PCDH11X: variants seen among roughly 807,000 people sequenced by gnomAD.
PCDH11X encodes the protein protocadherin 11 X-linked.
Under a neutral mutation model 53.3 loss-of-function variants are expected in PCDH11X, and 18 were observed. The ratio of observed to expected loss-of-function variants is 0.34; its 90% CI spans 0.23 to 0.50. PCDH11X has a LOEUF of 0.50. Ranked by LOEUF, PCDH11X falls within the 20% of genes least tolerant of loss-of-function variation. The probability of loss-of-function intolerance (pLI) is 0.98; values close to 1 mark genes in which losing one functional copy is unlikely to be tolerated. For missense variants in PCDH11X, 570 were observed against 1,032.4 expected (o/e 0.55, Z 6.14); for synonymous variants, 279 against 393.3 (o/e 0.71, Z 3.44).
At chrX:92,007,323 G>C (rs1320285089) in intron 6 of PCDH11X, among the ~76,000 whole-genome samples, 2 of 111,625 alleles carry the variant, frequency 1.8e-5, no homozygotes, top group African/African-American at 6.5e-5. Flanking sequence ...CAAACCACAA[G>C]ACACAGTTCT....
At chrX:92,618,226 A>C (rs1928202584) in intron 10 of PCDH11X, 38 bp from the exon 11 acceptor site, 2 of 1,165,807 alleles carry the variant, frequency 1.7e-6, no homozygotes. Flanking sequence ...TATGCCTTTG[A>C]AATATAAATT....
intron 6 of PCDH11X, among the ~76,000 whole-genome samples, chrX:92,199,130 C>T (rs2066346901): frequency 8.9e-6 from 1 of 111,849 alleles, no homozygotes; most frequent in Admixed American, 9.5e-5. Flanking sequence ...GTCAACTTCC[C>T]TTCCAATGTC....
chrX:92,282,691 C>G (rs1440489659), intron 8 of PCDH11X, among the ~76,000 whole-genome samples: 1 of 111,460 alleles, frequency 9.0e-6, no homozygotes, highest in African/African-American at 3.3e-5. Flanking sequence ...ATTTTGCTAT[C>G]AAATCAACAC....
intron 7 of PCDH11X, among the ~76,000 whole-genome samples, chrX:92,237,468 G>A (rs765164496): frequency 1.8e-5 from 2 of 110,968 alleles, no homozygotes; most frequent in South Asian, 7.5e-4. Context: ...ATACAGAAGT[G>A]TATTTGGAGA....
chrX:92,298,067 G>A (rs2068644821), intron 8 of PCDH11X, among the ~76,000 whole-genome samples: 1 of 111,474 alleles, frequency 9.0e-6, no homozygotes, highest in Non-Finnish European at 1.9e-5. Flanking sequence ...GAGTTTTCTA[G>A]GTATAGAATC....
At chrX:91,925,348 C>T (rs1321726615) in intron 6 of PCDH11X, among the ~76,000 whole-genome samples, 2 of 110,787 alleles carry the variant, frequency 1.8e-5, no homozygotes, top group Non-Finnish European at 3.8e-5. Flanking sequence ...ACTCAAAGTA[C>T]GGTTTCTACT....
intron 7 of PCDH11X, among the ~76,000 whole-genome samples, chrX:92,257,625 G>A (rs775273184): frequency 5.3e-5 from 6 of 112,477 alleles, no homozygotes; most frequent in Non-Finnish European, 9.4e-5. Flanking sequence ...AAAGAAAGGG[G>A]CTACAGACCC....
At chrX:91,832,513 A>C in intron 4 of PCDH11X, among the ~76,000 whole-genome samples, 1 of 72,490 alleles carries the variant, frequency 1.4e-5, no homozygotes, top group Non-Finnish European at 2.6e-5. Context: ...GGAGGGGGGA[A>C]GGGTAGCATT....
intron 9 of PCDH11X, among the ~76,000 whole-genome samples, chrX:92,405,851 T>C (rs1238322166): frequency 3.6e-5 from 4 of 110,834 alleles, no homozygotes; most frequent in Non-Finnish European, 7.6e-5. Flanking sequence ...TCCCAGCACT[T>C]TGGGAGGCCG....
chrX:92,447,528 T>C (rs184988318), intron 9 of PCDH11X, among the ~76,000 whole-genome samples: 4 of 111,338 alleles, frequency 3.6e-5, no homozygotes, highest in African/African-American at 1.3e-4. Context: ...TGTGGGTGCA[T>C]GGAAGTCAAG....
intron 10 of PCDH11X, among the ~76,000 whole-genome samples, chrX:92,575,944 T>TATATATATAC (rs1363794960): frequency 5.0e-5 from 1 of 19,919 alleles, no homozygotes; most frequent in African/African-American, 2.6e-4. Flanking sequence ...TATATATATA[T>TATATATATAC]ACACACACAC....
At chrX:92,175,861 T>C (rs1047253403) in intron 6 of PCDH11X, among the ~76,000 whole-genome samples, 3 of 106,411 alleles carry the variant, frequency 2.8e-5, no homozygotes, top group African/African-American at 1.0e-4. Context: ...CCACCTCTGT[T>C]ATAACTAAAT....
At chrX:92,561,677 T>C (rs1395359764) in intron 10 of PCDH11X, among the ~76,000 whole-genome samples, 3 of 109,916 alleles carry the variant, frequency 2.7e-5, no homozygotes, top group Non-Finnish European at 5.7e-5. Context: ...TCAAAAGCAC[T>C]AATCTAAGAG....
chrX:92,506,216 C>CTTTTTTTTTTTTTTTTTTTTTTTTTTT (rs1180678297), intron 10 of PCDH11X, among the ~76,000 whole-genome samples: 1 of 40,207 alleles, frequency 2.5e-5, no homozygotes, highest in East Asian at 9.3e-4. Context: ...CTTTTCTTTT[C>CTTTTTTTTTTTTTTTTTTTTTTTTTTT]TTTTTTTTTT....
intron 6 of PCDH11X, among the ~76,000 whole-genome samples, chrX:92,083,583 A>G (rs1166004339): frequency 9.0e-6 from 1 of 111,467 alleles, no homozygotes; most frequent in Non-Finnish European, 1.9e-5. Flanking sequence ...AAAAAACTAC[A>G]TATTTTAAAT....
intron 5 of PCDH11X, among the ~76,000 whole-genome samples, chrX:91,846,760 C>A (rs925472270): frequency 9.0e-6 from 1 of 110,816 alleles, no homozygotes; most frequent in African/African-American, 3.3e-5. Context: ...GTTTATTCAC[C>A]CATATTTGTG....
intron 1 of PCDH11X, among the ~76,000 whole-genome samples, chrX:91,808,356 A>G (rs1004915714): frequency 5.5e-5 from 6 of 109,127 alleles, no homozygotes; most frequent in African/African-American, 2.0e-4. Context: ...TTAGCTGGGC[A>G]TGGTGACGGG....
chrX:91,847,664 G>T (rs1317955974), intron 5 of PCDH11X, among the ~76,000 whole-genome samples: 1 of 111,334 alleles, frequency 9.0e-6, no homozygotes, highest in Non-Finnish European at 1.9e-5. Context: ...TTAGCAGAGC[G>T]ACTCTCAGGC....
At chrX:91,785,811 C>T (rs1442746440) in intron 1 of PCDH11X, among the ~76,000 whole-genome samples, 7 of 100,599 alleles carry the variant, frequency 7.0e-5, no homozygotes, top group Admixed American at 2.0e-4. Context: ...AAGTTCTTCA[C>T]GAAGGCATCA....
Sources: gnomAD v4.1 joint callset for allele counts (sites outside exome capture counted in the v4.1 genomes callset) on GRCh38, gnomAD v4.1.1 for gene constraint, MANE v1.5 for transcripts, NCBI Gene and HGNC (gene_info 2026-07-23, HGNC 2026-07-21) for gene names.